Variants in VPS8 observed in about 807,000 individuals in gnomAD.
VPS8 encodes the protein vacuolar protein sorting-associated protein 8 homolog.
Under a neutral mutation model 216.4 loss-of-function variants are expected in VPS8, and 129 were observed. The ratio of observed to expected loss-of-function variants is 0.60; its 90% confidence interval spans 0.52 to 0.69. The LOEUF (loss-of-function observed/expected upper bound fraction) is 0.69. Ranked by LOEUF, VPS8 falls within the 30% of genes least tolerant of loss-of-function variation. VPS8 has a pLI of 0.00. For synonymous variants in VPS8, 571 were observed against 565.4 expected (o/e 1.01, Z -0.14); for missense variants, 1,531 against 1,683.5 (o/e 0.91, Z 1.59).
chr3:184,916,810 T>C (rs889117324), intron 28 of VPS8, among the ~76,000 whole-genome samples: 4 of 152,160 alleles, frequency 2.6e-5, no homozygotes, highest in Non-Finnish European at 4.4e-5. Context: ...CTTAATGTAA[T>C]TTTTATTTCT....
chr3:184,876,831 C>T (rs973478555), intron 21 of VPS8, among the ~76,000 whole-genome samples: 1 of 152,186 alleles, frequency 6.6e-6, no homozygotes, highest in Non-Finnish European at 1.5e-5. Context: ...TTCTCCAAAT[C>T]GATCTCTTTG....
chr3:184,924,276 T>C lies in VPS8; in HGVS notation c.2455-586T>C, dbSNP rs865879243. Among the ~76,000 whole-genome samples the C allele has an allele frequency of 3.3e-4, 50 of 152,326 alleles. No individual in the cohort carries two copies. The Middle Eastern group carries it at 0.014, about 41-fold the overall frequency. On this transcript the variant is annotated intron_variant, in intron 29 of 47. Transcript: ENST00000625842. ...TCAAAGCAGCTCTCTTCTTCCCTTG[T>C]TGATGGACAGATTTTTAGTAGGGCT...
At chr3:184,990,379 A>T (rs939735636) in intron 42 of VPS8, among the ~76,000 whole-genome samples, 1 of 152,128 alleles carries the variant, frequency 6.6e-6, no homozygotes, top group Non-Finnish European at 1.5e-5. Flanking sequence ...AAAAGCAGAG[A>T]TCGTGTCTCC....
intron 46 of VPS8, among the ~76,000 whole-genome samples, chr3:185,027,510 G>A (rs934655642): frequency 2.0e-5 from 3 of 151,984 alleles, no homozygotes; most frequent in African/African-American, 7.3e-5. Flanking sequence ...CCAAAGTGCT[G>A]GGATTACAGG....
At chr3:184,824,276 TAA>T in intron 1 of VPS8, 1 of 197,222 alleles carries the variant, frequency 5.1e-6, no homozygotes, top group South Asian at 1.1e-4. Context: ...CTGAGCCTAT[TAA>T]GTTATCACTA....
chr3:184,910,772 G>C (rs1216792247), intron 25 of VPS8, among the ~76,000 whole-genome samples: 1 of 152,106 alleles, frequency 6.6e-6, no homozygotes, highest in African/African-American at 2.4e-5. Context: ...TTCAGAGTAC[G>C]CTTACCTCAG....
At chr3:184,880,773 A>G (rs1230998880) in intron 21 of VPS8, among the ~76,000 whole-genome samples, 1 of 152,202 alleles carries the variant, frequency 6.6e-6, no homozygotes, top group East Asian at 1.9e-4. Flanking sequence ...ACCATTTCGC[A>G]TTCCCCTAGC....
chr3:184,892,974 ATC>A (rs1732655528), intron 22 of VPS8, among the ~76,000 whole-genome samples: 1 of 152,128 alleles, frequency 6.6e-6, no homozygotes, highest in Non-Finnish European at 1.5e-5. Context: ...AACTCCATTA[ATC>A]TCTGTTTGTT....
At chr3:184,972,446 A>G (rs1748577637) in intron 40 of VPS8, among the ~76,000 whole-genome samples, 2 of 152,240 alleles carry the variant, frequency 1.3e-5, no homozygotes, top group African/African-American at 4.8e-5. Context: ...AGGGCTACAG[A>G]GAAAGCTGAA....
At chr3:184,936,412 G>A (rs1576900760) in intron 35 of VPS8, 77 bp downstream of exon 35, 8 of 1,279,824 alleles carry the variant, frequency 6.3e-6, no homozygotes. Context: ...AAGAAGTTTT[G>A]ATTGTAGTGA....
chr3:185,003,116 TTTTTTATTTTTA>T (rs71632040), intron 45 of VPS8, among the ~76,000 whole-genome samples: 63,761 of 143,348 alleles, frequency 0.44, 15,551 homozygotes, highest in Middle Eastern at 0.62. Flanking sequence ...CATCTAATAT[TTTTTTATTTTTA>T]TTTTTATTTT....
At chr3:184,951,563 C>T (rs1297132558) in intron 36 of VPS8, among the ~76,000 whole-genome samples, 4 of 151,662 alleles carry the variant, frequency 2.6e-5, no homozygotes, top group African/African-American at 9.7e-5. Context: ...GTTCAGTTTA[C>T]AGAGTTATAA....
chr3:184,851,463 TTA>T (rs1372479544), intron 10 of VPS8, among the ~76,000 whole-genome samples: 1 of 132,908 alleles, frequency 7.5e-6, no homozygotes, highest in Admixed American at 7.8e-5. Context: ...TTATGGATAT[TTA>T]TGTGTGTGTG....
chr3:184,957,404 G>A lies in VPS8; in HGVS notation c.3066G>A (p.Leu1022=). 6.8e-6 allele frequency: 11 copies of A among 1,611,154 alleles called. No homozygotes were observed. The highest frequency in any genetic ancestry group is 9.3e-6 in the Non-Finnish European group (11 of 1,178,520). Residue 1022 remains leucine (L), a synonymous_variant, in exon 37 of 48, where the codon CTG becomes CTA. Coordinates refer to ENST00000625842, the MANE Select transcript of VPS8 (RefSeq NM_001009921.3). ...GTATTCATGTAAATCAAGAATTACT[G>A]CAAATATCTCCTTGTATCACAGAGC... ...REGIHVNQEL[L]QISPCITEQF...
chr3:184,824,842 G>A lies in VPS8; in HGVS notation c.153+57G>A. ...GTTTAACCAGTGTAGATTAGAGTAT[G>A]CTTTGTGACCCAGAGACTCTAAGTC... On this transcript the variant is annotated intron_variant, in intron 2 of 47. Coordinates refer to ENST00000625842, the MANE Select transcript of VPS8 (RefSeq NM_001009921.3). The A allele has an allele frequency of 4.7e-6, 7 of 1,490,950 alleles. No homozygotes were observed. The South Asian group carries it at 8.6e-5, about 18-fold the overall frequency. 92.4% of individuals were successfully genotyped at this position (1,490,950 alleles called of 1,614,324 possible).
chr3:184,905,811 A>G (rs1735396365), intron 25 of VPS8, among the ~76,000 whole-genome samples: 1 of 152,264 alleles, frequency 6.6e-6, no homozygotes, highest in Non-Finnish European at 1.5e-5. Flanking sequence ...CTTCATTAGT[A>G]ATGTAAGAAA....
chr3:184,898,548 G>T lies in VPS8; in HGVS notation c.2005-17G>T. The T allele has an allele frequency of 6.5e-7, 1 of 1,540,918 alleles. No homozygotes were observed. The highest frequency in any genetic ancestry group is 1.2e-5 in the South Asian group (1 of 83,284). On this transcript the variant is annotated splice_polypyrimidine_tract_variant and intron_variant, in intron 23 of 47. Coordinates refer to ENST00000625842, the MANE Select transcript of VPS8 (RefSeq NM_001009921.3). ...GTGACTGAATTGTATGGACCAAGTG[G>T]CTTTTCCTTTTCACAGGTAGTTCTC... is the stretch of plus-strand genomic sequence containing the variant.
intron 8 of VPS8, among the ~76,000 whole-genome samples, chr3:184,845,695 C>T (rs547063187): frequency 2.1e-5 from 3 of 143,654 alleles, no homozygotes; most frequent in African/African-American, 5.1e-5. Flanking sequence ...GCAGAGGTTG[C>T]GGTGAGCCCA....
chr3:185,005,127 G>A (rs1754062413), intron 45 of VPS8, among the ~76,000 whole-genome samples: 1 of 152,126 alleles, frequency 6.6e-6, no homozygotes, highest in Non-Finnish European at 1.5e-5. Flanking sequence ...TTGTTGAATA[G>A]GGTGTCCTTT....
Sources: gnomAD v4.1 joint callset for allele counts (sites outside exome capture counted in the v4.1 genomes callset) on GRCh38, gnomAD v4.1.1 for gene constraint, MANE v1.5 for transcripts, NCBI Gene and HGNC (gene_info 2026-07-23, HGNC 2026-07-21) for gene names.